The following TECTA variants were observed in gnomAD, a reference collection of about 807,000 sequenced individuals.
TECTA encodes tectorin alpha.
TECTA carries 128 observed loss-of-function variants against 216.8 expected under a neutral mutation model. The ratio of observed to expected loss-of-function variants is 0.59; its 90% CI spans 0.51 to 0.68. The LOEUF (loss-of-function observed/expected upper bound fraction) is 0.68. TECTA is among the 30% of genes least tolerant of loss of function. The pLI, the probability that TECTA is intolerant of heterozygous loss-of-function variation, is 0.00. For missense variants in TECTA, 2,551 were observed against 2,786.2 expected, an observed-to-expected ratio of 0.92 and a Z score of 1.90; for synonymous variants, 1,089 against 1,117.1, an observed-to-expected ratio of 0.97 and a Z score of 0.50.
intron 13 of TECTA, among the ~76,000 whole-genome samples, chr11:121,154,233 T>C (rs1251277173): frequency 1.3e-5 from 2 of 152,230 alleles, no homozygotes; most frequent in Non-Finnish European, 2.9e-5. Flanking sequence ...TAAAGATACA[T>C]TGACTCATTC....
rs142307229 is a variant in TECTA, at chr11:121,142,339, C to T, written c.3544-3216C>T. 4.7e-4 allele frequency among the ~76,000 whole-genome samples: 72 copies of T among 152,298 alleles called. No individual in the cohort carries two copies. The East Asian group carries it at 7.7e-3, about 16-fold the overall frequency. On this transcript the variant is annotated intron_variant, in intron 11 of 23. Coordinates refer to ENST00000392793, the MANE Select transcript of TECTA (RefSeq NM_005422.4). ...TAGCCTCTCTCTTTTCCTCTGACCT[C>T]CTGCCTCTGAGCTCCCTCTTTTCCT...
At chr11:121,164,762 G>T (rs1040411846) in intron 16 of TECTA, among the ~76,000 whole-genome samples, 6 of 152,110 alleles carry the variant, frequency 3.9e-5, no homozygotes, top group African/African-American at 1.4e-4. Context: ...TGGTGTGGGA[G>T]ACCTCTCTGG....
chr11:121,182,628 G>A (rs371943370), intron 20 of TECTA, among the ~76,000 whole-genome samples: 3 of 152,172 alleles, frequency 2.0e-5, no homozygotes, highest in African/African-American at 7.2e-5. Flanking sequence ...GGCAGTGGGT[G>A]GGGCAGGTCT....
At chr11:121,107,938 A>G (rs1308887956) in intron 3 of TECTA, among the ~76,000 whole-genome samples, 1 of 152,208 alleles carries the variant, frequency 6.6e-6, no homozygotes, top group Non-Finnish European at 1.5e-5. Context: ...ATGAGCTGGA[A>G]TGGAACTGGG....
chr11:121,127,714 T>G lies in TECTA; in HGVS notation c.1775-38T>G, dbSNP rs751114584. 3 of 1,611,700 alleles carry G rather than the reference T, an allele frequency of 1.9e-6. No individual in the cohort carries two copies. Among genetic ancestry groups the G allele is most frequent in the Non-Finnish European group, 2.5e-6 (3 of 1,177,870 alleles). Reference sequence around the variant, plus strand: ...TGGCGGGTTAGCACTCCGGGTCCATTCACCTTGTTATCGGCTCTCTTCCTT... The same window carrying G: ...TGGCGGGTTAGCACTCCGGGTCCATGCACCTTGTTATCGGCTCTCTTCCTT... On this transcript the variant is annotated intron_variant, in intron 8 of 23. Coordinates refer to ENST00000392793, the MANE Select transcript of TECTA (RefSeq NM_005422.4). This position sits in a 1 kb window ranked among gnomAD's most constrained non-coding sequence, Gnocchi z 5.0.
rs767697936 is a variant in TECTA at position 121,130,227 on chromosome 11, A to G, written c.2941+16A>G. On this transcript the variant is annotated intron_variant, in intron 10 of 23. Coordinates refer to ENST00000392793, the MANE Select transcript of TECTA (RefSeq NM_005422.4). The stretch of plus-strand genomic sequence containing the variant: ...GACTTCTGCCGTAAGTTGGGGTTGG[A>G]TTCTGGGAGAGGCTTTCTAGCTGGG... The G allele has an allele frequency of 1.3e-5, 21 of 1,598,992 alleles. No individual in the cohort carries two copies. Among genetic ancestry groups the G allele is most frequent in the Non-Finnish European group, 1.8e-5 (21 of 1,179,694 alleles).
chr11:121,189,035 C>A lies in TECTA; in HGVS notation c.6163-45C>A. On this transcript the variant is annotated intron_variant, in intron 21 of 23. Coordinates refer to ENST00000392793, the MANE Select transcript of TECTA (RefSeq NM_005422.4). The stretch of plus-strand genomic sequence containing the variant: ...TGAAACATGGTGAAGAATAAGTTAT[C>A]AGCTTAATTGTGTGAAAATTTCCCC... 1.9e-6 allele frequency: 3 copies of A among 1,591,684 alleles called. No individual in the cohort carries two copies. In the South Asian group the frequency reaches 3.3e-5, roughly 18 times the overall value.
Position 121,128,240 on chromosome 11 carries a change from A to T in TECTA, c.2263A>T (p.Asn755Tyr), listed in dbSNP as rs1011871640. ...CCCAGAGTACTTGGAAATCGACATC[A>T]ACAAGAAGAAGCCCGATGCAGGACC... ...ERPEYLEIDI[N>Y]KKKPDAGPAW... The change falls in exon 9 of 24, where the codon AAC (asparagine) becomes TAC (tyrosine). Residue 755 changes from asparagine to tyrosine, a missense_variant. Coordinates refer to ENST00000392793, the MANE Select transcript of TECTA (RefSeq NM_005422.4). 6.2e-7 allele frequency: 1 copy of T among 1,600,864 alleles called. No individual in the cohort carries two copies. Among genetic ancestry groups the T allele is most frequent in the Middle Eastern group, 1.6e-4 (1 of 6,062 alleles).
chr11:121,114,794 T>C (rs1368729355), intron 6 of TECTA, among the ~76,000 whole-genome samples: 4 of 11,434 alleles, frequency 3.5e-4, no homozygotes, highest in Non-Finnish European at 5.4e-4. Flanking sequence ...CCCATCCACC[T>C]ACCCACCCAC....
intron 17 of TECTA, 57 bp from the exon 18 acceptor site, chr11:121,166,521 A>C (rs1466163155): frequency 6.3e-7 from 1 of 1,577,196 alleles, no homozygotes; most frequent in Non-Finnish European, 8.7e-7. Context: ...CTTTGCTCCC[A>C]CTCCTGCAGC....
In TECTA at chr11:121,190,786, A is replaced by AAT; in HGVS notation, c.6449_6450insTA (p.Lys2150AsnfsTer9). The AAT allele has an allele frequency of 6.2e-7, 1 of 1,613,300 alleles. No homozygotes were observed. The highest frequency in any genetic ancestry group is 8.5e-7 in the Non-Finnish European group (1 of 1,179,576). On this transcript the variant is annotated frameshift_variant, in exon 24 of 24. Transcript: ENST00000392793. LOFTEE classifies it high-confidence loss of function. ...GATTTCATTATGGCATTTTGTCTATAAATCAGGCACGACCTCATAATTAAC... is the reference window on the plus strand; with the variant it reads ...GATTTCATTATGGCATTTTGTCTATAATAATCAGGCACGACCTCATAATTAAC...
At position 121,129,752 on chromosome 11, in the gene TECTA, T is replaced by C; in HGVS notation, c.2482T>C (p.Ser828Pro). The C allele has an allele frequency of 1.2e-6, 2 of 1,614,248 alleles. No individual in the cohort carries two copies. The highest frequency in any genetic ancestry group is 1.7e-6 in the Non-Finnish European group (2 of 1,180,036). The change falls in exon 10 of 24, where the codon TCA becomes CCA. Residue 828 changes from serine (S) to proline (P), a missense_variant. Transcript: ENST00000392793. ...CAAGGGCGTGGTGACTGTCCAGTACTCAGACATAGGTCTATTGTACATCCG... is the reference window on the plus strand; with the variant it reads ...CAAGGGCGTGGTGACTGTCCAGTACCCAGACATAGGTCTATTGTACATCCG... ...ESKGVVTVQY[S>P]DIGLLYIRLS... is the part of the protein sequence containing the mutation.
chr11:121,118,214 A>G, intron 6 of TECTA, 92 bp from the exon 7 acceptor site: 1 of 1,517,698 alleles, frequency 6.6e-7, no homozygotes, highest in Non-Finnish European at 9.0e-7. Context: ...ACGTGGATTA[A>G]ATGGTATAAT....
chr11:121,164,068 C>T (rs2135127354), intron 16 of TECTA, among the ~76,000 whole-genome samples: 1 of 152,314 alleles, frequency 6.6e-6, no homozygotes, highest in African/African-American at 2.4e-5. Flanking sequence ...TAGTTACCTA[C>T]CAGAGGGGCG....
chr11:121,143,292 T>C (rs758350917), intron 11 of TECTA, among the ~76,000 whole-genome samples: 3 of 152,230 alleles, frequency 2.0e-5, no homozygotes, highest in Non-Finnish European at 4.4e-5. Context: ...CCAGCAGCAC[T>C]AAATTGCTGT....
intron 20 of TECTA, among the ~76,000 whole-genome samples, chr11:121,183,057 C>T (rs762988844): frequency 6.6e-6 from 1 of 152,154 alleles, no homozygotes; most frequent in Non-Finnish European, 1.5e-5. Context: ...TTCCTGGGGA[C>T]AGCCTCCCTG....
Position 121,127,655 on chromosome 11 carries a change from G to A in TECTA, c.1775-97G>A. On this transcript the variant is annotated intron_variant, in intron 8 of 23. Coordinates refer to ENST00000392793, the MANE Select transcript of TECTA (RefSeq NM_005422.4). The surrounding 1 kb of genome is among the most constrained non-coding windows in gnomAD (Gnocchi z 5.0). ...GAGTGGCCGCTTGACCCTCACTCTAGGAACTAAATGATCCAGGAGGAGCGT... is the reference window on the plus strand; with the variant it reads ...GAGTGGCCGCTTGACCCTCACTCTAAGAACTAAATGATCCAGGAGGAGCGT... 1.4e-6 allele frequency: 2 copies of A among 1,436,840 alleles called. No individual in the cohort carries two copies. Among genetic ancestry groups the A allele is most frequent in the Non-Finnish European group, 9.8e-7 (1 of 1,021,220 alleles). The allele number at this position is 1,436,840 out of a possible 1,614,324, so 89.0% of individuals were successfully genotyped here. A position where few individuals can be genotyped will look rare whatever the true frequency, so the allele number is the denominator to read the frequency against.
rs769840540 is a variant in TECTA, at chr11:121,146,158, T to C, written c.4105+42T>C. Reference sequence around the variant, plus strand: ...GTCCCTCCTTGTAGCTTCTCCTCTTTCTTGATTGCTCTGGGAAGGCCAGTC... The same window carrying C: ...GTCCCTCCTTGTAGCTTCTCCTCTTCCTTGATTGCTCTGGGAAGGCCAGTC... On this transcript the variant is annotated intron_variant, in intron 12 of 23. Transcript: ENST00000392793. 13 of 1,596,070 alleles carry C rather than the reference T, an allele frequency of 8.1e-6. No homozygotes were observed. The South Asian group carries it at 1.3e-4, about 16-fold the overall frequency.
chr11:121,108,886 G>A (rs932129627), intron 3 of TECTA, among the ~76,000 whole-genome samples: 5 of 149,262 alleles, frequency 3.3e-5, no homozygotes, highest in Non-Finnish European at 5.9e-5. Flanking sequence ...CTCACCTGTA[G>A]TACACACATA....
Sources: gnomAD v4.1 joint callset for allele counts (sites outside exome capture counted in the v4.1 genomes callset) on GRCh38, gnomAD v4.1.1 for gene constraint, Gnocchi (gnomAD v3.1) non-coding constraint, MANE v1.5 for transcripts, NCBI Gene and HGNC (gene_info 2026-07-23, HGNC 2026-07-21) for gene names.